PRKCA: variants seen among roughly 807,000 people sequenced by gnomAD.
PRKCA encodes protein kinase C alpha, also known as protein kinase C alpha type.
PRKCA carries 27 observed loss-of-function variants against 87.0 expected under a neutral mutation model. The observed-to-expected ratio is 0.31, with a 90% confidence interval of 0.23 to 0.43. The LOEUF is 0.43. PRKCA is among the 20% of genes least tolerant of loss of function. The pLI, the probability that PRKCA is intolerant of heterozygous loss-of-function variation, is 1.00. For missense variants in PRKCA, 518 were observed against 852.3 expected, an observed-to-expected ratio of 0.61 and a Z score of 4.88; for synonymous variants, 329 against 311.1, an observed-to-expected ratio of 1.06 and a Z score of -0.61.
intron 3 of PRKCA, among the ~76,000 whole-genome samples, chr17:66,576,571 C>G (rs181930689): frequency 3.6e-4 from 55 of 152,314 alleles, no homozygotes; most frequent in Non-Finnish European, 2.9e-5. Context: ...GGACTTTTTT[C>G]ATGCTGAAAT....
At chr17:66,323,922 C>T (rs139317720) in intron 2 of PRKCA, among the ~76,000 whole-genome samples, 3,454 of 152,180 alleles carry the variant, frequency 0.023, 61 homozygotes, top group Non-Finnish European at 0.033. Flanking sequence ...GCCTGGGCAA[C>T]ACAGCAAGAT....
intron 3 of PRKCA, among the ~76,000 whole-genome samples, chr17:66,520,224 A>C (rs1274078634): frequency 6.6e-6 from 1 of 151,180 alleles, no homozygotes; most frequent in Non-Finnish European, 1.5e-5. Context: ...GGGTTCAAGC[A>C]ATTCTCCTGC....
At chr17:66,475,796 A>T (rs1247509954) in intron 2 of PRKCA, among the ~76,000 whole-genome samples, 1 of 152,196 alleles carries the variant, frequency 6.6e-6, no homozygotes, top group African/African-American at 2.4e-5. Context: ...CATCACACAT[A>T]ATTGTGGAAC....
At position 66,645,435 on chromosome 17, in the gene PRKCA, C is replaced by T. The variant is rs200672316; in HGVS notation, c.453C>T (p.Cys151=). Residue 151 remains cysteine, a synonymous_variant, in exon 5 of 17, where the codon TGC becomes TGT. Transcript: ENST00000413366. The stretch of plus-strand genomic sequence containing the variant: ...GCGTCATCAATGTCCCCAGCCTCTG[C>T]GGAATGGATCACACTGAGAAGAGGG... ...KQCVINVPSL[C]GMDHTEKRGR... is the part of the protein sequence containing the mutation. 3.2e-5 allele frequency: 52 copies of T among 1,614,162 alleles called. No homozygotes were observed. In the African/African-American group the frequency reaches 4.7e-4, roughly 14 times the overall value.
intron 5 of PRKCA, among the ~76,000 whole-genome samples, chr17:66,680,020 G>A (rs1296713267): frequency 6.6e-6 from 1 of 152,154 alleles, no homozygotes; most frequent in East Asian, 1.9e-4. Flanking sequence ...TGAATTCTCT[G>A]GGTTCGAAGT....
At chr17:66,331,094 G>GA (rs1483050055) in intron 2 of PRKCA, among the ~76,000 whole-genome samples, 6 of 152,204 alleles carry the variant, frequency 3.9e-5, no homozygotes, top group Non-Finnish European at 7.3e-5. Flanking sequence ...GCAGAGATGG[G>GA]ATGTCAGAAG....
intron 5 of PRKCA, among the ~76,000 whole-genome samples, chr17:66,645,866 A>G (rs1971438763): frequency 6.6e-6 from 1 of 152,170 alleles, no homozygotes; most frequent in South Asian, 2.1e-4. Flanking sequence ...TGGAACTAGA[A>G]CAAGGGGAGG....
intron 3 of PRKCA, among the ~76,000 whole-genome samples, chr17:66,587,651 A>G (rs1402347533): frequency 2.0e-5 from 3 of 148,406 alleles, no homozygotes; most frequent in African/African-American, 7.7e-5. Context: ...TATAACATAT[A>G]TGTGTGTGTA....
chr17:66,408,897 C>G (rs951851097), intron 2 of PRKCA, among the ~76,000 whole-genome samples: 1 of 151,554 alleles, frequency 6.6e-6, no homozygotes, highest in Admixed American at 6.6e-5. Context: ...ACTAAAAATA[C>G]AAAAATTAGC....
intron 2 of PRKCA, among the ~76,000 whole-genome samples, chr17:66,342,429 A>T (rs1907090748): frequency 1.6e-5 from 2 of 124,666 alleles, no homozygotes; most frequent in African/African-American, 6.1e-5. Flanking sequence ...CTCAAAAAAA[A>T]TAAAATAAAA....
At chr17:66,670,460 A>T (rs1972148992) in intron 5 of PRKCA, among the ~76,000 whole-genome samples, 1 of 152,236 alleles carries the variant, frequency 6.6e-6, no homozygotes, top group Non-Finnish European at 1.5e-5. Context: ...TGGGGAGAGG[A>T]GTCAGAAGAT....
chr17:66,349,412 G>T (rs1197673515), intron 2 of PRKCA, among the ~76,000 whole-genome samples: 1 of 152,080 alleles, frequency 6.6e-6, no homozygotes, highest in South Asian at 2.1e-4. Flanking sequence ...TGGAAAACCA[G>T]TAGCCAACAC....
intron 3 of PRKCA, among the ~76,000 whole-genome samples, chr17:66,635,487 A>G (rs915160177): frequency 1.3e-5 from 2 of 152,138 alleles, no homozygotes; most frequent in Non-Finnish European, 2.9e-5. Flanking sequence ...GTTTTGAAAA[A>G]CGGGTCAGAA....
intron 13 of PRKCA, among the ~76,000 whole-genome samples, chr17:66,768,996 A>T (rs12232511): frequency 6.6e-6 from 1 of 152,082 alleles, no homozygotes; most frequent in African/African-American, 2.4e-5. Context: ...TACTGCCACT[A>T]TTCTCAAGGA....
intron 2 of PRKCA, among the ~76,000 whole-genome samples, chr17:66,362,466 T>C (rs1908442269): frequency 6.6e-6 from 1 of 152,218 alleles, no homozygotes; most frequent in Non-Finnish European, 1.5e-5. Context: ...TGCTCAATTG[T>C]CCCACGATTT....
intron 13 of PRKCA, among the ~76,000 whole-genome samples, chr17:66,759,923 A>G (rs1019812840): frequency 2.0e-5 from 3 of 152,248 alleles, no homozygotes; most frequent in Non-Finnish European, 2.9e-5. Context: ...ATTGAAATAC[A>G]TACGGCCAAA....
intron 2 of PRKCA, among the ~76,000 whole-genome samples, chr17:66,467,574 G>A (rs781527470): frequency 8.5e-5 from 13 of 152,052 alleles, no homozygotes; most frequent in Non-Finnish European, 7.4e-5. Context: ...ATTTTTGTTT[G>A]TTTTTGACAG....
At chr17:66,555,092 C>T (rs770093585) in intron 3 of PRKCA, among the ~76,000 whole-genome samples, 15 of 152,014 alleles carry the variant, frequency 9.9e-5, no homozygotes, top group Non-Finnish European at 1.9e-4. Flanking sequence ...TGCCCAGGCT[C>T]GTCTCGAACT....
At chr17:66,383,666 T>C (rs1041508641) in intron 2 of PRKCA, among the ~76,000 whole-genome samples, 2 of 152,170 alleles carry the variant, frequency 1.3e-5, no homozygotes, top group Admixed American at 6.5e-5. Context: ...CAAGATCCAC[T>C]CAGATCATCA....
Sources: gnomAD v4.1 joint callset for allele counts (sites outside exome capture counted in the v4.1 genomes callset) on GRCh38, gnomAD v4.1.1 for gene constraint, MANE v1.5 for transcripts, NCBI Gene and HGNC (gene_info 2026-07-23, HGNC 2026-07-21) for gene names.